Variants in UBE2R2 observed in about 807,000 individuals in gnomAD.
UBE2R2 encodes ubiquitin conjugating enzyme E2 R2, also known as ubiquitin-conjugating enzyme E2 R2.
In UBE2R2, 1 loss-of-function variant was observed where a neutral mutation model predicts 27.8. The observed-to-expected ratio is 0.04, with a 90% confidence interval of 0.01 to 0.17. UBE2R2 has a LOEUF of 0.17. Among genes scored for constraint, UBE2R2 ranks in the 10% least tolerant of loss-of-function variants. UBE2R2 has a pLI of 1.00. For missense variants in UBE2R2, 100 were observed against 291.0 expected (o/e 0.34, Z 4.78); for synonymous variants, 106 against 113.3 (o/e 0.94, Z 0.41).
intron 4 of UBE2R2, among the ~76,000 whole-genome samples, chr9:33,915,174 G>A (rs2130825144): frequency 6.6e-6 from 1 of 152,086 alleles, no homozygotes; most frequent in East Asian, 1.9e-4. Context: ...GACCAACATG[G>A]ACTAAACTGA....
chr9:33,859,761 T>TGG (rs2130764970), intron 1 of UBE2R2, among the ~76,000 whole-genome samples: 1 of 66,076 alleles, frequency 1.5e-5, no homozygotes, highest in South Asian at 4.8e-4. Flanking sequence ...CTAAGCCTTT[T>TGG]GTGTGTGTGT....
At chr9:33,865,731 C>T (rs1327048288) in intron 1 of UBE2R2, among the ~76,000 whole-genome samples, 2 of 151,844 alleles carry the variant, frequency 1.3e-5, no homozygotes, top group African/African-American at 4.8e-5. Flanking sequence ...TGTCATACAC[C>T]ATTATTACCT....
At chr9:33,884,905 C>T (rs1290015015) in intron 1 of UBE2R2, among the ~76,000 whole-genome samples, 1 of 152,092 alleles carries the variant, frequency 6.6e-6, no homozygotes, top group African/African-American at 2.4e-5. Flanking sequence ...TTTGTTGTTG[C>T]CATTGCTGCT....
intron 2 of UBE2R2, among the ~76,000 whole-genome samples, chr9:33,893,372 C>T (rs1287395422): frequency 6.6e-6 from 1 of 152,158 alleles, no homozygotes; most frequent in Non-Finnish European, 1.5e-5. Context: ...GGAGATTCAT[C>T]CACCTTGTAG....
chr9:33,839,200 G>A (rs896125809), intron 1 of UBE2R2, among the ~76,000 whole-genome samples: 1 of 152,070 alleles, frequency 6.6e-6, no homozygotes, highest in African/African-American at 2.4e-5. Context: ...TGATTACGTC[G>A]TGAGGGCTCT....
At chr9:33,876,214 T>C (rs1438341492) in intron 1 of UBE2R2, among the ~76,000 whole-genome samples, 1 of 151,980 alleles carries the variant, frequency 6.6e-6, no homozygotes, top group African/African-American at 2.4e-5. Flanking sequence ...ATACAAAAAT[T>C]AGCCAGGTGT....
chr9:33,863,318 C>T (rs1008936272), intron 1 of UBE2R2, among the ~76,000 whole-genome samples: 1 of 151,730 alleles, frequency 6.6e-6, no homozygotes, highest in African/African-American at 2.4e-5. Context: ...GAGGTCCCAG[C>T]CTGGTCAACA....
At chr9:33,846,482 A>G (rs1311025544) in intron 1 of UBE2R2, among the ~76,000 whole-genome samples, 2 of 152,146 alleles carry the variant, frequency 1.3e-5, no homozygotes, top group African/African-American at 2.4e-5. Context: ...GCCTAAAAGT[A>G]TGACATTTCA....
At chr9:33,869,650 A>G (rs1821440838) in intron 1 of UBE2R2, among the ~76,000 whole-genome samples, 1 of 151,824 alleles carries the variant, frequency 6.6e-6, no homozygotes, top group Admixed American at 6.6e-5. Context: ...GGTTTTCACC[A>G]TGTTGGCCAG....
In UBE2R2 at chr9:33,900,263, G is replaced by A; in HGVS notation, c.354G>A (p.Gln118=). The A allele has an allele frequency of 1.2e-6, 2 of 1,612,318 alleles. No homozygotes were observed. Among genetic ancestry groups the A allele is most frequent in the Non-Finnish European group, 8.5e-7 (1 of 1,178,766 alleles). The part of the protein sequence containing the change: ...ELPSERWNPT[Q]NVRTILLSVI... The stretch of plus-strand genomic sequence containing the variant: ...CTTCTGAAAGGTGGAATCCTACTCA[G>A]AATGTGAGGTAAGGAGGAATCTGGT... Residue 118 remains glutamine, a synonymous_variant, in exon 3 of 5, where the codon CAG becomes CAA. Transcript: ENST00000263228.
intron 1 of UBE2R2, among the ~76,000 whole-genome samples, chr9:33,819,148 A>G (rs1022394019): frequency 1.3e-5 from 2 of 152,156 alleles, no homozygotes; most frequent in African/African-American, 4.8e-5. Context: ...AAAATAGGCC[A>G]GTGAGTCAAT....
At chr9:33,842,192 G>A (rs868522231) in intron 1 of UBE2R2, among the ~76,000 whole-genome samples, 9 of 152,162 alleles carry the variant, frequency 5.9e-5, no homozygotes, top group Middle Eastern at 6.8e-3. Context: ...TTGAGCCCAG[G>A]AATTCTCCAC....
chr9:33,871,469 G>A (rs1051781847), intron 1 of UBE2R2, among the ~76,000 whole-genome samples: 1 of 152,196 alleles, frequency 6.6e-6, no homozygotes, highest in Non-Finnish European at 1.5e-5. Flanking sequence ...ATGCTTGTGA[G>A]TGGTTCAGGC....
intron 1 of UBE2R2, among the ~76,000 whole-genome samples, chr9:33,883,355 A>G (rs768294536): frequency 5.9e-5 from 9 of 152,168 alleles, no homozygotes; most frequent in Admixed American, 1.3e-4. Flanking sequence ...TTGGATGCCT[A>G]TGGCAGACCT....
At position 33,919,781 on chromosome 9, in the gene UBE2R2, G is replaced by T. The variant is rs891246632; in HGVS notation, c.*2544G>T. On this transcript the variant is annotated 3_prime_UTR_variant, in exon 5 of 5. Coordinates refer to ENST00000263228, the MANE Select transcript of UBE2R2 (RefSeq NM_017811.4). ...TCAGGCTCAATCCGGAACCATGTACGTACAGTTTTGCTTATTATTTGATGT... is the reference window on the plus strand; with the variant it reads ...TCAGGCTCAATCCGGAACCATGTACTTACAGTTTTGCTTATTATTTGATGT... The T allele has an allele frequency of 6.6e-6, 1 of 151,916 alleles. No homozygotes were observed. Among genetic ancestry groups the T allele is most frequent in the Admixed American group, 6.6e-5 (1 of 15,250 alleles). 9.4% of individuals were successfully genotyped at this position (151,916 alleles called of 1,614,324 possible).
intron 1 of UBE2R2, among the ~76,000 whole-genome samples, chr9:33,834,683 G>C (rs907392748): frequency 7.2e-5 from 11 of 151,984 alleles, no homozygotes; most frequent in Admixed American, 6.6e-4. Context: ...GGCTGAAGCA[G>C]GTGGATCACC....
chr9:33,834,239 T>G (rs1047033250), intron 1 of UBE2R2, among the ~76,000 whole-genome samples: 1 of 150,954 alleles, frequency 6.6e-6, no homozygotes, highest in African/African-American at 2.4e-5. Flanking sequence ...CTCGCTCTGT[T>G]GCCCAGGCTG....
Position 33,900,167 on chromosome 9 carries a change from C to A in UBE2R2, c.265-7C>A. On this transcript the variant is annotated splice_region_variant and splice_polypyrimidine_tract_variant and intron_variant, in intron 2 of 4. Coordinates refer to ENST00000263228, the MANE Select transcript of UBE2R2 (RefSeq NM_017811.4). ...TATTTACTGAATGTAATGTTTGTGTCTTGTAGAATGGAGATGTATGCATTT... is the reference window on the plus strand; with the variant it reads ...TATTTACTGAATGTAATGTTTGTGTATTGTAGAATGGAGATGTATGCATTT... 1 of 1,609,286 alleles carries A rather than the reference C, an allele frequency of 6.2e-7. No homozygotes were observed. Among genetic ancestry groups the A allele is most frequent in the South Asian group, 1.1e-5 (1 of 90,868 alleles).
rs1305759625 is a variant in UBE2R2, at chr9:33,817,228, C to G, written c.-530C>G. Among the ~76,000 whole-genome samples the G allele has an allele frequency of 6.7e-6, 1 of 149,700 alleles. No homozygotes were observed. The highest frequency in any genetic ancestry group is 1.5e-5 in the Non-Finnish European group (1 of 67,028). On this transcript the variant is annotated 5_prime_UTR_variant, in exon 1 of 5. Coordinates refer to ENST00000263228, the MANE Select transcript of UBE2R2 (RefSeq NM_017811.4). Reference sequence around the variant, plus strand: ...CTCCTCCTCCTCCGCCGTCGCCCCTCCCCCCGCGCAGCCCCCGCCGCCACC... The same window carrying G: ...CTCCTCCTCCTCCGCCGTCGCCCCTGCCCCCGCGCAGCCCCCGCCGCCACC...
Sources: gnomAD v4.1 joint callset for allele counts (sites outside exome capture counted in the v4.1 genomes callset) on GRCh38, gnomAD v4.1.1 for gene constraint, MANE v1.5 for transcripts, NCBI Gene and HGNC (gene_info 2026-07-23, HGNC 2026-07-21) for gene names.